PRIMPOL: variants seen among roughly 807,000 people sequenced by gnomAD.
PRIMPOL encodes the protein primase and DNA directed polymerase.
In PRIMPOL, 54 loss-of-function variants were observed where a neutral mutation model predicts 63.6. That is an observed-to-expected ratio of 0.85 (90% CI 0.68 to 1.07). PRIMPOL has a LOEUF of 1.07. Ranked by LOEUF, PRIMPOL falls within the 50% of genes least tolerant of loss-of-function variation. PRIMPOL has a pLI of 0.00. For synonymous variants in PRIMPOL, 197 were observed against 220.2 expected (o/e 0.89, Z 0.93); for missense variants, 610 against 648.3 (o/e 0.94, Z 0.64).
At chr4:184,678,420 T>C (rs774627352) in intron 8 of PRIMPOL, 26 bp downstream of exon 8, 2 of 1,538,096 alleles carry the variant, frequency 1.3e-6, no homozygotes, top group Non-Finnish European at 1.8e-6. Flanking sequence ...ATCAAACCAT[T>C]TTGTATTCAT....
rs1748420888 is a variant in PRIMPOL, at chr4:184,661,864, A to G, written c.369A>G (p.Pro123=). ...TGGAATTTAACAAACCTGCCAACCCAGGAGCTGATGGGAAAAAGATGGTTG... is the reference window on the plus strand; with the variant it reads ...TGGAATTTAACAAACCTGCCAACCCGGGAGCTGATGGGAAAAAGATGGTTG... ...FDLEFNKPAN[P]GADGKKMVAL... The change falls in exon 5 of 14, where the codon CCA becomes CCG. Residue 123 remains proline, a synonymous_variant. Transcript: ENST00000314970. 6.2e-7 allele frequency: 1 copy of G among 1,613,728 alleles called. No individual in the cohort carries two copies. The highest frequency in any genetic ancestry group is 8.5e-7 in the Non-Finnish European group (1 of 1,179,770).
At chr4:184,655,840 A>G (rs1746284836) in intron 2 of PRIMPOL, among the ~76,000 whole-genome samples, 1 of 152,232 alleles carries the variant, frequency 6.6e-6, no homozygotes. Context: ...TTTTCCACAT[A>G]GGTAAATTAT....
intron 8 of PRIMPOL, among the ~76,000 whole-genome samples, chr4:184,679,460 A>G (rs1442307031): frequency 6.6e-6 from 1 of 152,208 alleles, no homozygotes; most frequent in Non-Finnish European, 1.5e-5. Flanking sequence ...CATTGCTAAA[A>G]ACTAAAATAA....
intron 13 of PRIMPOL, among the ~76,000 whole-genome samples, chr4:184,693,864 G>C (rs1378057089): frequency 1.3e-5 from 2 of 152,076 alleles, no homozygotes; most frequent in Non-Finnish European, 2.9e-5. Context: ...TGACAGGGGG[G>C]TATCATGTTG....
chr4:184,655,324 C>CTT (rs60487948), intron 2 of PRIMPOL, among the ~76,000 whole-genome samples: 22 of 131,148 alleles, frequency 1.7e-4, no homozygotes, highest in African/African-American at 3.7e-4. Flanking sequence ...CTCTCGTAAT[C>CTT]TTTTTTTTTT....
chr4:184,685,125 T>A (rs935478301), intron 9 of PRIMPOL, among the ~76,000 whole-genome samples: 8 of 152,170 alleles, frequency 5.3e-5, no homozygotes, highest in Non-Finnish European at 8.8e-5. Context: ...GAGCTAGGCC[T>A]GTTATGGACG....
chr4:184,692,974 G>T (rs185234301), intron 13 of PRIMPOL, among the ~76,000 whole-genome samples: 16 of 152,154 alleles, frequency 1.1e-4, no homozygotes, highest in African/African-American at 3.4e-4. Flanking sequence ...TGTTTTTGAC[G>T]TATTTCACTT....
Position 184,667,364 on chromosome 4 carries a change from G to A in PRIMPOL, c.556+1300G>A, listed in dbSNP as rs192718631. ...CTCGCTCTGTCGCCCAGGCTGGAGT[G>A]CAGTGGCACGTTCTTGGCTCACTGC... On this transcript the variant is annotated intron_variant, in intron 6 of 13. Transcript: ENST00000314970. Among the ~76,000 whole-genome samples, 457 of 152,180 alleles carry A rather than the reference G, an allele frequency of 3.0e-3. 6 individuals are homozygous for A. In the South Asian group the frequency reaches 0.047, roughly 16 times the overall value.
Position 184,693,088 on chromosome 4 carries a change from T to C in PRIMPOL, c.1425+1376T>C, listed in dbSNP as rs542934817. Among the ~76,000 whole-genome samples, 24 of 152,308 alleles carry C rather than the reference T, an allele frequency of 1.6e-4. No individual in the cohort carries two copies. The South Asian group carries it at 2.7e-3, about 17-fold the overall frequency. The stretch of plus-strand genomic sequence containing the variant: ...TACCTGCTACAAGCAGAACAGGTGA[T>C]GGGGTTTATATTCTAGAAAACTCAG... On this transcript the variant is annotated intron_variant, in intron 13 of 13. Coordinates refer to ENST00000314970, the MANE Select transcript of PRIMPOL (RefSeq NM_152683.4).
At chr4:184,681,274 TA>T (rs1002607753) in intron 8 of PRIMPOL, among the ~76,000 whole-genome samples, 7 of 152,180 alleles carry the variant, frequency 4.6e-5, no homozygotes, top group Non-Finnish European at 1.0e-4. Flanking sequence ...GTCACACCTC[TA>T]AAATTGTTGT....
intron 8 of PRIMPOL, 129 bp downstream of exon 8, chr4:184,678,523 C>CTA: frequency 3.7e-6 from 2 of 539,084 alleles, no homozygotes; most frequent in Non-Finnish European, 6.0e-6. Context: ...GTTCTTACAG[C>CTA]TCTTTTTTTT....
intron 4 of PRIMPOL, among the ~76,000 whole-genome samples, chr4:184,660,501 C>T (rs1232132483): frequency 6.6e-6 from 1 of 152,144 alleles, no homozygotes; most frequent in Non-Finnish European, 1.5e-5. Flanking sequence ...ATTTCTCAGA[C>T]TTGAGTAATG....
chr4:184,682,733 T>C (rs1428230730), intron 9 of PRIMPOL, among the ~76,000 whole-genome samples: 1 of 152,132 alleles, frequency 6.6e-6, no homozygotes, highest in Non-Finnish European at 1.5e-5. Flanking sequence ...CAGTGTTAAG[T>C]GTTCATAATC....
At chr4:184,681,143 T>G (rs1755515679) in intron 8 of PRIMPOL, among the ~76,000 whole-genome samples, 1 of 152,242 alleles carries the variant, frequency 6.6e-6, no homozygotes, top group African/African-American at 2.4e-5. Context: ...CCAGGTAGTT[T>G]ACTTCTTGAA....
intron 1 of PRIMPOL, 134 bp downstream of exon 1, chr4:184,650,042 T>G (rs927327640): frequency 1.3e-5 from 2 of 152,226 alleles, no homozygotes; most frequent in African/African-American, 4.8e-5. Flanking sequence ...ACGCATGCTG[T>G]GTTTTCCACC....
At chr4:184,674,747 G>A (rs1341800777) in intron 7 of PRIMPOL, among the ~76,000 whole-genome samples, 5 of 152,206 alleles carry the variant, frequency 3.3e-5, no homozygotes, top group African/African-American at 9.7e-5. Context: ...AGAAAATGTT[G>A]TTAAGAAAAT....
At chr4:184,692,471 C>CAAAAAAAA (rs60321808) in intron 13 of PRIMPOL, among the ~76,000 whole-genome samples, 4 of 73,804 alleles carry the variant, frequency 5.4e-5, no homozygotes, top group African/African-American at 8.3e-5. Flanking sequence ...GACTCTGCCT[C>CAAAAAAAA]AAAAAAAAAA....
At chr4:184,654,453 G>GTTTTTTTTTTTTTGTT (rs1553985963) in intron 2 of PRIMPOL, among the ~76,000 whole-genome samples, 1 of 33,556 alleles carries the variant, frequency 3.0e-5, no homozygotes, top group African/African-American at 1.1e-4. Context: ...AGTTAAAGCA[G>GTTTTTTTTTTTTTGTT]TTTTTTTTTT....
chr4:184,664,850 G>A (rs559193507), intron 5 of PRIMPOL, among the ~76,000 whole-genome samples: 13 of 152,138 alleles, frequency 8.5e-5, no homozygotes, highest in African/African-American at 2.9e-4. Flanking sequence ...ACCTAAAATT[G>A]TAAGTCTATA....
Sources: allele counts gnomAD v4.1 joint callset (sites outside exome capture counted in the v4.1 genomes callset), GRCh38; gene constraint gnomAD v4.1.1; transcripts MANE v1.5; gene names NCBI Gene and HGNC (gene_info 2026-07-23, HGNC 2026-07-21).